Variants in SLC16A7 observed in about 807,000 individuals in gnomAD.
SLC16A7 encodes the protein monocarboxylate transporter 2.
SLC16A7 carries 33 observed loss-of-function variants against 34.9 expected under a neutral mutation model. The ratio of observed to expected loss-of-function variants is 0.94; its 90% CI spans 0.72 to 1.26. SLC16A7 has a LOEUF of 1.26. SLC16A7 is among the 50% of genes most tolerant of loss of function. The pLI is 0.00. For synonymous variants in SLC16A7, 201 were observed against 206.6 expected (o/e 0.97, Z 0.23); for missense variants, 573 against 578.1 (o/e 0.99, Z 0.09).
chr12:59,607,198 T>C (rs540783192), intron 1 of SLC16A7, among the ~76,000 whole-genome samples: 4 of 152,312 alleles, frequency 2.6e-5, no homozygotes, highest in Admixed American at 2.6e-4. Context: ...TTTCAGAAGA[T>C]ACTTTGCTTT....
chr12:59,736,256 T>C (rs189324744), intron 3 of SLC16A7, among the ~76,000 whole-genome samples: 38 of 152,186 alleles, frequency 2.5e-4, no homozygotes, highest in African/African-American at 7.0e-4. Context: ...TAATAAAAAT[T>C]GCTAGAGAGT....
At chr12:59,744,088 A>G (rs1207233355) in intron 3 of SLC16A7, among the ~76,000 whole-genome samples, 2 of 152,244 alleles carry the variant, frequency 1.3e-5, no homozygotes, top group East Asian at 1.9e-4. Flanking sequence ...CTTGCGTAAG[A>G]TTATTGATAG....
At position 59,786,592 on chromosome 12, in the gene SLC16A7, A is replaced by G. The variant is rs1883637658; in HGVS notation, c.*6913A>G. ...ATTTCTAAACATTAGATCTAATTGT[A>G]TTTTGATTTGTTTTGATATATTTAT... On this transcript the variant is annotated 3_prime_UTR_variant, in exon 6 of 6. Transcript: ENST00000547379. 1 of 152,136 alleles carries G rather than the reference A, an allele frequency of 6.6e-6. No individual in the cohort carries two copies. Among genetic ancestry groups the G allele is most frequent in the South Asian group, 2.1e-4 (1 of 4,834 alleles). 9.4% of individuals were successfully genotyped at this position (152,136 alleles called of 1,614,324 possible). A position where few individuals can be genotyped will look rare whatever the true frequency, so the allele number is the denominator to read the frequency against.
In SLC16A7 at chr12:59,784,793, G is replaced by A. The variant is rs1443013104; in HGVS notation, c.*5114G>A. On this transcript the variant is annotated 3_prime_UTR_variant, in exon 6 of 6. Transcript: ENST00000547379. The stretch of plus-strand genomic sequence containing the variant: ...ACACATATAATTGAATATGATTTTA[G>A]AGTCTTGAAAAACTGATCTTCTTTG... 1 of 152,110 alleles carries A rather than the reference G, an allele frequency of 6.6e-6. No individual in the cohort carries two copies. The highest frequency in any genetic ancestry group is 2.4e-5 in the African/African-American group (1 of 41,426). 9.4% of individuals were successfully genotyped at this position (152,110 alleles called of 1,614,324 possible). A position where few individuals can be genotyped will look rare whatever the true frequency, so the allele number is the denominator to read the frequency against.
At chr12:59,660,067 G>A (rs993322776) in intron 2 of SLC16A7, among the ~76,000 whole-genome samples, 2 of 151,746 alleles carry the variant, frequency 1.3e-5, no homozygotes, top group Non-Finnish European at 2.9e-5. Context: ...TTATTTTGTG[G>A]TTTTTGTTTT....
chr12:59,697,520 G>A (rs1182213873), intron 2 of SLC16A7, among the ~76,000 whole-genome samples: 1 of 151,730 alleles, frequency 6.6e-6, no homozygotes, highest in Non-Finnish European at 1.5e-5. Context: ...TCCATTTTTA[G>A]TCCTTTTCTG....
intron 1 of SLC16A7, among the ~76,000 whole-genome samples, chr12:59,598,848 T>A (rs1303270998): frequency 6.6e-6 from 1 of 152,252 alleles, no homozygotes; most frequent in Non-Finnish European, 1.5e-5. Context: ...TAGTATATAA[T>A]AACTATAATG....
intron 3 of SLC16A7, among the ~76,000 whole-genome samples, chr12:59,746,235 G>A (rs1482477693): frequency 6.6e-6 from 1 of 152,214 alleles, no homozygotes; most frequent in Non-Finnish European, 1.5e-5. Context: ...GATGTCAAAT[G>A]TGAAGCACAA....
In SLC16A7 at chr12:59,610,454, A is replaced by T. The variant is rs181149326; in HGVS notation, c.-130+14218A>T. 1.2e-3 allele frequency among the ~76,000 whole-genome samples: 181 copies of T among 152,364 alleles called. 1 individual carries two copies. Among genetic ancestry groups the T allele is most frequent in the African/African-American group, 4.0e-3 (166 of 41,590 alleles). On this transcript the variant is annotated intron_variant, in intron 1 of 5. Coordinates refer to ENST00000547379, the MANE Select transcript of SLC16A7 (RefSeq NM_001270623.2). ...ATTATTGAATTAGGGTTACATTTAAATAATTGGGATTTGAATATTGTTTTC... is the reference window on the plus strand; with the variant it reads ...ATTATTGAATTAGGGTTACATTTAATTAATTGGGATTTGAATATTGTTTTC...
At position 59,788,900 on chromosome 12, in the gene SLC16A7, A is replaced by G. The variant is rs74095498; in HGVS notation, c.*9221A>G. Reference sequence around the variant, plus strand: ...AGTATATTTTGTTCAAATATTCCTAATTTGTTTTTCAGCACACTTGTTTAA... The same window carrying G: ...AGTATATTTTGTTCAAATATTCCTAGTTTGTTTTTCAGCACACTTGTTTAA... On this transcript the variant is annotated 3_prime_UTR_variant, in exon 6 of 6. Transcript: ENST00000547379. 6.6e-6 allele frequency: 1 copy of G among 151,984 alleles called. No homozygotes were observed. Among genetic ancestry groups the G allele is most frequent in the African/African-American group, 2.4e-5 (1 of 41,400 alleles). 9.4% of individuals were successfully genotyped at this position (151,984 alleles called of 1,614,324 possible).
At chr12:59,736,215 A>C (rs1247103720) in intron 3 of SLC16A7, among the ~76,000 whole-genome samples, 1 of 152,194 alleles carries the variant, frequency 6.6e-6, no homozygotes, top group Non-Finnish European at 1.5e-5. Flanking sequence ...TAGCAGAAAC[A>C]ACATGCACAC....
At chr12:59,646,725 G>C (rs762072318) in intron 1 of SLC16A7, among the ~76,000 whole-genome samples, 2 of 152,166 alleles carry the variant, frequency 1.3e-5, no homozygotes, top group East Asian at 3.9e-4. Flanking sequence ...AAAGCTGCAG[G>C]CACTCAATTC....
intron 3 of SLC16A7, among the ~76,000 whole-genome samples, chr12:59,742,878 C>T (rs1312002989): frequency 1.3e-5 from 2 of 152,084 alleles, no homozygotes; most frequent in East Asian, 3.9e-4. Flanking sequence ...TTCATAATTT[C>T]ATGTTTTAGT....
At chr12:59,633,467 A>G (rs1036576805) in intron 1 of SLC16A7, among the ~76,000 whole-genome samples, 7 of 152,038 alleles carry the variant, frequency 4.6e-5, no homozygotes, top group African/African-American at 1.7e-4. Flanking sequence ...CTACAGTTCC[A>G]GGTGTTTCAC....
chr12:59,633,752 A>G lies in SLC16A7; in HGVS notation c.-129-21400A>G, dbSNP rs556139725. On this transcript the variant is annotated intron_variant, in intron 1 of 5. Coordinates refer to ENST00000547379, the MANE Select transcript of SLC16A7 (RefSeq NM_001270623.2). ...GAAGGGGAAGCAAAGCACATATTCC[A>G]TGTCAACAGGAGAGAGAGTCAGGGG... 3.9e-5 allele frequency among the ~76,000 whole-genome samples: 6 copies of G among 152,114 alleles called. No individual in the cohort carries two copies. In the East Asian group the frequency reaches 9.7e-4, roughly 25 times the overall value.
At chr12:59,663,756 T>C (rs1008669950) in intron 2 of SLC16A7, among the ~76,000 whole-genome samples, 11 of 152,136 alleles carry the variant, frequency 7.2e-5, no homozygotes, top group African/African-American at 2.7e-4. Flanking sequence ...AAGTTTTCAG[T>C]AGAAATGAAA....
At chr12:59,677,951 G>T (rs1714218010) in intron 2 of SLC16A7, among the ~76,000 whole-genome samples, 3 of 151,992 alleles carry the variant, frequency 2.0e-5, no homozygotes. Context: ...CTTGAGCCTG[G>T]TGGACTCGTT....
intron 3 of SLC16A7, among the ~76,000 whole-genome samples, chr12:59,753,197 C>G (rs1471596718): frequency 1.3e-5 from 2 of 152,206 alleles, no homozygotes; most frequent in South Asian, 4.1e-4. Flanking sequence ...ACTGCATCAA[C>G]TAACGAGCAA....
intron 1 of SLC16A7, among the ~76,000 whole-genome samples, chr12:59,610,265 C>G (rs954019411): frequency 2.0e-5 from 3 of 152,030 alleles, no homozygotes; most frequent in Non-Finnish European, 4.4e-5. Context: ...ACCTGGAAAT[C>G]TTTTTCAAAA....
Sources: gnomAD v4.1 joint callset for allele counts (sites outside exome capture counted in the v4.1 genomes callset) on GRCh38, gnomAD v4.1.1 for gene constraint, MANE v1.5 for transcripts, NCBI Gene and HGNC (gene_info 2026-07-23, HGNC 2026-07-21) for gene names.